The following NRDE2 variants were observed in gnomAD, a reference collection of about 807,000 sequenced individuals.
NRDE2 encodes NRDE-2, necessary for RNA interference, domain containing, also known as nuclear exosome regulator NRDE2.
NRDE2 carries 76 observed loss-of-function variants against 124.2 expected under a neutral mutation model. The ratio of observed to expected loss-of-function variants is 0.61; its 90% confidence interval spans 0.51 to 0.74. NRDE2 has a LOEUF of 0.74. Ranked by LOEUF, NRDE2 falls within the 30% of genes least tolerant of loss-of-function variation. NRDE2 has a pLI of 0.00. For synonymous variants in NRDE2, 489 were observed against 528.1 expected (o/e 0.93, Z 1.01); for missense variants, 1,314 against 1,417.3 (o/e 0.93, Z 1.17).
intron 11 of NRDE2, 110 bp from the exon 12 acceptor site, chr14:90,286,602 A>G (rs1267939049): frequency 7.3e-7 from 1 of 1,361,606 alleles, no homozygotes; most frequent in African/African-American, 1.5e-5. Context: ...GATCAGACAG[A>G]CTCAGGGGAG....
intron 4 of NRDE2, among the ~76,000 whole-genome samples, chr14:90,308,699 T>C (rs1025194630): frequency 6.6e-6 from 1 of 152,112 alleles, no homozygotes; most frequent in Admixed American, 6.6e-5. Flanking sequence ...TGACACAAAA[T>C]TGTTAACTGC....
chr14:90,307,529 C>T (rs1884656204), intron 4 of NRDE2, among the ~76,000 whole-genome samples: 1 of 152,108 alleles, frequency 6.6e-6, no homozygotes, highest in Non-Finnish European at 1.5e-5. Context: ...AATTTGACAC[C>T]AGCCTGGCCA....
chr14:90,286,439 C>T lies in NRDE2; in HGVS notation c.3212G>A (p.Arg1071Gln), dbSNP rs761336895. The T allele has an allele frequency of 5.6e-6, 9 of 1,614,066 alleles. No homozygotes were observed. The highest frequency in any genetic ancestry group is 1.1e-5 in the South Asian group (1 of 91,084). ...GGCATTTTCAAACAGGGCTTGGATC[C>T]GATGCATTAAGCCGGTCTCAGGAAT... Reference protein sequence around the residue: ...ATIPETGLMHRIQALFENAMR... With the variant: ...ATIPETGLMHQIQALFENAMR... Residue 1071 changes from arginine to glutamine, a missense_variant, in exon 12 of 14, where the codon CGG (arginine) becomes CAG (glutamine). Coordinates refer to ENST00000354366, the MANE Select transcript of NRDE2 (RefSeq NM_017970.4).
Position 90,285,309 on chromosome 14 carries a change from TTC to T in NRDE2, c.3297+1043_3297+1044del, listed in dbSNP as rs200150181. On this transcript the variant is annotated intron_variant, in intron 12 of 13. Coordinates refer to ENST00000354366, the MANE Select transcript of NRDE2 (RefSeq NM_017970.4). ...AAAAAAGGAAATGTTGATTTTTTTT[TTC>T]TTTTTTTTGAGACGGAGTCTCACTC... Among the ~76,000 whole-genome samples, 118 of 120,738 alleles carry T rather than the reference TTC, an allele frequency of 9.8e-4. 11 individuals are homozygous for T. The South Asian group carries it at 0.021, about 22-fold the overall frequency. 79.2% of individuals were successfully genotyped at this position (120,738 alleles called of 152,430 possible).
chr14:90,326,835 T>C (rs1419527264), intron 1 of NRDE2, among the ~76,000 whole-genome samples: 1 of 152,158 alleles, frequency 6.6e-6, no homozygotes, highest in East Asian at 1.9e-4. Flanking sequence ...ACTCAGTAAA[T>C]TGACCGCATA....
In NRDE2 at chr14:90,278,106, T is replaced by C. The variant is rs569047316; in HGVS notation, c.*230A>G. The C allele has an allele frequency of 2.9e-5, 13 of 452,462 alleles. No homozygotes were observed. The highest frequency in any genetic ancestry group is 2.0e-5 in the African/African-American group (1 of 50,868). The allele number at this position is 452,462 out of a possible 1,614,324, so 28.0% of individuals were successfully genotyped here. On this transcript the variant is annotated 3_prime_UTR_variant, in exon 14 of 14. Coordinates refer to ENST00000354366, the MANE Select transcript of NRDE2 (RefSeq NM_017970.4). Reference sequence around the variant, plus strand: ...ACCACGTGGCATGACTCTCTGGCTATGTACATATATACACATATTCACATA... The same window carrying C: ...ACCACGTGGCATGACTCTCTGGCTACGTACATATATACACATATTCACATA...
Position 90,292,735 on chromosome 14 carries a change from T to A in NRDE2, c.1804A>T (p.Lys602Ter). 6.2e-7 allele frequency: 1 copy of A among 1,614,190 alleles called. No homozygotes were observed. The highest frequency in any genetic ancestry group is 1.1e-5 in the South Asian group (1 of 91,086). ...WRPWRPDKTK[K>*]QTEEDCEDPE... ...TCCTCACAGTCTTCCTCGGTTTGCT[T>A]CTTGGTCTTATCAGGGCGCCAGGGC... The change falls in exon 9 of 14, where the codon AAG (lysine) becomes TAG (stop). Residue 602 changes from lysine (K) to a stop codon, truncating the protein, a stop_gained. Transcript: ENST00000354366. LOFTEE classifies it high-confidence loss of function.
Position 90,312,528 on chromosome 14 carries a change from A to G in NRDE2, c.423T>C (p.Ala141=), listed in dbSNP as rs1031765680. 3.7e-6 allele frequency: 6 copies of G among 1,614,168 alleles called. No individual in the cohort carries two copies. Among genetic ancestry groups the G allele is most frequent in the Non-Finnish European group, 5.1e-6 (6 of 1,180,036 alleles). ...CAAAGCGATGTCCAGTATCAGCTGC[A>G]GCATTATTTCCTTGACTGTGGGACA... The part of the protein sequence containing the change: ...ESEEPNQGNN[A]AADTGHRFVW... Residue 141 remains alanine (A), a synonymous_variant, in exon 4 of 14, where the codon GCT becomes GCC. Transcript: ENST00000354366.
At chr14:90,307,639 G>T (rs1884662441) in intron 4 of NRDE2, among the ~76,000 whole-genome samples, 1 of 152,110 alleles carries the variant, frequency 6.6e-6, no homozygotes, top group East Asian at 1.9e-4. Flanking sequence ...ACTTTGGGAG[G>T]CCAAGGTGGG....
Position 90,317,909 on chromosome 14 carries a change from C to T in NRDE2, c.173+96G>A, listed in dbSNP as rs1056218117. The stretch of plus-strand genomic sequence containing the variant: ...TTACTTTAAGTAAGAGTTTTACATA[C>T]CTCTTTTATTAGAGTTTTCTAAGGA... On this transcript the variant is annotated intron_variant, in intron 2 of 13. Transcript: ENST00000354366. 6 of 779,414 alleles carry T rather than the reference C, an allele frequency of 7.7e-6. No individual in the cohort carries two copies. The Middle Eastern group carries it at 7.3e-4, about 95-fold the overall frequency. The allele number at this position is 779,414 out of a possible 1,614,324, so 48.3% of individuals were successfully genotyped here. A position where few individuals can be genotyped will look rare whatever the true frequency, so the allele number is the denominator to read the frequency against.
rs1891598222 is a variant in NRDE2 at position 90,269,253 on chromosome 14, T to C, written c.*9083A>G. 1 of 701,384 alleles carries C rather than the reference T, an allele frequency of 1.4e-6. No individual in the cohort carries two copies. The highest frequency in any genetic ancestry group is 3.0e-5 in the Admixed American group (1 of 33,770). The allele number at this position is 701,384 out of a possible 1,614,324, so 43.4% of individuals were successfully genotyped here. On this transcript the variant is annotated 3_prime_UTR_variant, in exon 14 of 14. Coordinates refer to ENST00000354366, the MANE Select transcript of NRDE2 (RefSeq NM_017970.4). ...GGCAAGGGGTGCTGAATTTATTTTT[T>C]CCGAGCATAATTGAGGGAGTGCCAT...
intron 8 of NRDE2, among the ~76,000 whole-genome samples, chr14:90,293,161 A>G (rs936820587): frequency 6.6e-6 from 1 of 152,222 alleles, no homozygotes; most frequent in Non-Finnish European, 1.5e-5. Context: ...ACTCGCTGTG[A>G]TGATGAAAAT....
chr14:90,268,193 T>TC lies in NRDE2; in HGVS notation c.*10142_*10143insG. The TC allele has an allele frequency of 6.9e-7, 1 of 1,443,104 alleles. No homozygotes were observed. The highest frequency in any genetic ancestry group is 9.3e-7 in the Non-Finnish European group (1 of 1,076,504). 89.4% of individuals were successfully genotyped at this position (1,443,104 alleles called of 1,614,324 possible). ...AGTTAAAATGGCACTTAAGGTGTCT[T>TC]TTTTTTTTTTATCTTTTTCATCCAA... On this transcript the variant is annotated 3_prime_UTR_variant, in exon 14 of 14. Transcript: ENST00000354366.
rs1428219045 is a variant in NRDE2, at chr14:90,276,324, T to G, written c.*2012A>C. ...AGCTCTGCCTCCCAGGTTCACGCCA[T>G]TCTCCTGCCTTAGCCTTCCGAGTAG... On this transcript the variant is annotated 3_prime_UTR_variant, in exon 14 of 14. Coordinates refer to ENST00000354366, the MANE Select transcript of NRDE2 (RefSeq NM_017970.4). 7 of 144,482 alleles carry G rather than the reference T, an allele frequency of 4.8e-5. No individual in the cohort carries two copies. The highest frequency in any genetic ancestry group is 7.5e-5 in the Non-Finnish European group (5 of 66,688). 9.0% of individuals were successfully genotyped at this position (144,482 alleles called of 1,614,324 possible).
chr14:90,316,877 A>G, intron 2 of NRDE2, 66 bp from the exon 3 acceptor site: 1 of 1,026,368 alleles, frequency 9.7e-7, no homozygotes, highest in Non-Finnish European at 1.4e-6. Context: ...TACTATGTAA[A>G]TAAGTCAACA....
chr14:90,280,898 G>A (rs1263159212), intron 12 of NRDE2: 3 of 152,270 alleles, frequency 2.0e-5, no homozygotes, highest in Non-Finnish European at 2.9e-5. Flanking sequence ...CCAGGTAAAC[G>A]TCTCCTCAGG....
At chr14:90,314,975 G>C (rs142730601) in intron 3 of NRDE2, among the ~76,000 whole-genome samples, 6 of 151,740 alleles carry the variant, frequency 4.0e-5, no homozygotes, top group Admixed American at 3.9e-4. Context: ...ATCGGAGATC[G>C]AGACCAGCCT....
chr14:90,278,039 G>A lies in NRDE2; in HGVS notation c.*297C>T. 1 of 268,460 alleles carries A rather than the reference G, an allele frequency of 3.7e-6. No homozygotes were observed. The highest frequency in any genetic ancestry group is 7.5e-6 in the Non-Finnish European group (1 of 133,714). The allele number at this position is 268,460 out of a possible 1,614,324, so 16.6% of individuals were successfully genotyped here. A position where few individuals can be genotyped will look rare whatever the true frequency, so the allele number is the denominator to read the frequency against. On this transcript the variant is annotated 3_prime_UTR_variant, in exon 14 of 14. Coordinates refer to ENST00000354366, the MANE Select transcript of NRDE2 (RefSeq NM_017970.4). Reference sequence around the variant, plus strand: ...TGCTGGCTGCGCACAGGGAGAGAATGAGCAAGGACGCTGCCACGCCTCAAT... The same window carrying A: ...TGCTGGCTGCGCACAGGGAGAGAATAAGCAAGGACGCTGCCACGCCTCAAT...
chr14:90,296,350 A>C (rs1343343631), intron 8 of NRDE2, among the ~76,000 whole-genome samples: 1 of 152,100 alleles, frequency 6.6e-6, no homozygotes, highest in Non-Finnish European at 1.5e-5. Context: ...CATACATAAA[A>C]CCACTGGTCA....
Sources: allele counts gnomAD v4.1 joint callset (sites outside exome capture counted in the v4.1 genomes callset), GRCh38; gene constraint gnomAD v4.1.1; transcripts MANE v1.5; gene names NCBI Gene and HGNC (gene_info 2026-07-23, HGNC 2026-07-21).